LRP1B: variants seen among roughly 807,000 people sequenced by gnomAD.
LRP1B encodes LDL receptor related protein 1B.
A neutral mutation model predicts 556.6 loss-of-function variants in LRP1B; 217 were observed. That is an observed-to-expected ratio of 0.39 (90% CI 0.35 to 0.44). LRP1B has a LOEUF of 0.44. Ranked by LOEUF, LRP1B falls within the 20% of genes least tolerant of loss-of-function variation. LRP1B has a pLI of 1.00. For synonymous variants in LRP1B, 2,047 were observed against 1,865.8 expected (o/e 1.10, Z -2.50); for missense variants, 5,053 against 5,620.8 (o/e 0.90, Z 3.23).
At chr2:141,126,128 T>G (rs2105012850) in intron 7 of LRP1B, among the ~76,000 whole-genome samples, 1 of 151,994 alleles carries the variant, frequency 6.6e-6, no homozygotes, top group Non-Finnish European at 1.5e-5. Context: ...GCCTCCCAGA[T>G]TCAAGTGATT....
At position 140,297,827 on chromosome 2, in the gene LRP1B, G is replaced by A. The variant is rs143745437; in HGVS notation, c.12948C>T (p.Thr4316=). 3.5e-4 allele frequency: 568 copies of A among 1,613,488 alleles called. 2 individuals are homozygous for A. Among genetic ancestry groups the A allele is most frequent in the South Asian group, 1.5e-3 (133 of 91,034 alleles). The change falls in exon 84 of 91, where the codon ACC becomes ACT. Residue 4316 remains threonine (T), a synonymous_variant. Coordinates refer to ENST00000389484, the MANE Select transcript of LRP1B (RefSeq NM_018557.3). ...ACTTACAGTACTGACATCTGTCTCC[G>A]GTGTATTCCGGCTGGCAGTGGCAGT... ...QPYCHCQPEY[T]GDRCQYYVCH... is the part of the protein sequence containing the mutation.
intron 1 of LRP1B, among the ~76,000 whole-genome samples, chr2:142,011,388 G>T (rs1374599226): frequency 6.6e-6 from 1 of 152,126 alleles, no homozygotes; most frequent in African/African-American, 2.4e-5. Context: ...GTGGAATGGG[G>T]TTTAATTTAC....
At chr2:142,096,894 C>T (rs559474171) in intron 1 of LRP1B, among the ~76,000 whole-genome samples, 1 of 151,442 alleles carries the variant, frequency 6.6e-6, no homozygotes, top group East Asian at 1.9e-4. Flanking sequence ...TCTAGAAGTC[C>T]CCAGTTTCTA....
At chr2:140,288,407 T>TTTGAAAAAA (rs1417041965) in intron 84 of LRP1B, among the ~76,000 whole-genome samples, 2 of 151,832 alleles carry the variant, frequency 1.3e-5, no homozygotes, top group African/African-American at 4.8e-5. Context: ...GATTTCTGAC[T>TTTGAAAAAA]CAGCATTTTT....
chr2:141,335,337 G>C (rs2105503567), intron 3 of LRP1B, among the ~76,000 whole-genome samples: 2 of 152,314 alleles, frequency 1.3e-5, no homozygotes, highest in Middle Eastern at 6.8e-3. Context: ...TTAGGAAAGA[G>C]AGACATAAAC....
chr2:141,297,036 T>A (rs895164009), intron 3 of LRP1B, among the ~76,000 whole-genome samples: 10 of 152,178 alleles, frequency 6.6e-5, no homozygotes, highest in African/African-American at 2.4e-4. Context: ...AGGATATGAT[T>A]TCATTCTTAT....
chr2:141,276,871 T>C (rs1344182264), intron 3 of LRP1B, among the ~76,000 whole-genome samples: 4 of 152,136 alleles, frequency 2.6e-5, no homozygotes, highest in Non-Finnish European at 4.4e-5. Flanking sequence ...TTAGCCAGGA[T>C]GGTCTTGATC....
chr2:141,702,924 T>C (rs1691992605), intron 2 of LRP1B, among the ~76,000 whole-genome samples: 1 of 151,892 alleles, frequency 6.6e-6, no homozygotes, highest in South Asian at 2.1e-4. Flanking sequence ...TTATTTCTCC[T>C]TTAATCAAGG....
intron 2 of LRP1B, among the ~76,000 whole-genome samples, chr2:141,748,529 GC>G (rs1412624901): frequency 6.6e-6 from 1 of 152,160 alleles, no homozygotes; most frequent in Non-Finnish European, 1.5e-5. Context: ...TCTGAACACA[GC>G]CAGATATAGA....
chr2:140,869,286 C>A (rs554481153), intron 25 of LRP1B, among the ~76,000 whole-genome samples: 3 of 152,162 alleles, frequency 2.0e-5, no homozygotes, highest in African/African-American at 4.8e-5. Flanking sequence ...TCCTTTTGGT[C>A]ATGGGACAAG....
At chr2:141,902,569 G>A (rs77774194) in intron 1 of LRP1B, among the ~76,000 whole-genome samples, 2,821 of 151,986 alleles carry the variant, frequency 0.019, 43 homozygotes, top group Middle Eastern at 0.041. Flanking sequence ...CCTTCATCTC[G>A]ACAATTTCTG....
intron 7 of LRP1B, among the ~76,000 whole-genome samples, chr2:141,087,930 A>G (rs187529956): frequency 3.3e-5 from 5 of 152,280 alleles, no homozygotes; most frequent in African/African-American, 1.2e-4. Flanking sequence ...ATAATTCTTA[A>G]GAAAAGTGAA....
At chr2:141,801,512 C>T (rs2105688348) in intron 2 of LRP1B, among the ~76,000 whole-genome samples, 1 of 152,258 alleles carries the variant, frequency 6.6e-6, no homozygotes, top group Non-Finnish European at 1.5e-5. Flanking sequence ...GCACTTCCAT[C>T]TGCATGTGCT....
intron 6 of LRP1B, among the ~76,000 whole-genome samples, chr2:141,191,684 T>TC (rs1421321378): frequency 6.6e-6 from 1 of 151,486 alleles, no homozygotes; most frequent in Non-Finnish European, 1.5e-5. Flanking sequence ...AATAAGCTTT[T>TC]TTTTTTTCAA....
chr2:141,937,904 C>T (rs1444110625), intron 1 of LRP1B, among the ~76,000 whole-genome samples: 2 of 152,022 alleles, frequency 1.3e-5, no homozygotes, highest in Admixed American at 6.5e-5. Context: ...CATTCTTTTG[C>T]CTGTAGATAA....
intron 2 of LRP1B, among the ~76,000 whole-genome samples, chr2:141,519,496 A>G (rs186039360): frequency 6.6e-6 from 1 of 150,674 alleles, no homozygotes; most frequent in Admixed American, 6.6e-5. Context: ...TGATTTCTGA[A>G]TTCTCAGTTG....
chr2:140,813,555 TG>T, intron 32 of LRP1B, 101 bp downstream of exon 32: 1 of 941,394 alleles, frequency 1.1e-6, no homozygotes, highest in Non-Finnish European at 1.7e-6. Context: ...AATATAGTTC[TG>T]GTGTTAGTGG....
chr2:140,940,348 A>G (rs1214272533), intron 20 of LRP1B, among the ~76,000 whole-genome samples: 2 of 152,176 alleles, frequency 1.3e-5, no homozygotes, highest in African/African-American at 4.8e-5. Context: ...GAAAGTTTAC[A>G]TAATTCAGAT....
chr2:141,350,821 T>C (rs879474511), intron 3 of LRP1B, among the ~76,000 whole-genome samples: 3 of 152,012 alleles, frequency 2.0e-5, no homozygotes, highest in Non-Finnish European at 4.4e-5. Flanking sequence ...AAAACATTCA[T>C]GAGATGAGCC....
Sources: gnomAD v4.1 joint callset for allele counts (sites outside exome capture counted in the v4.1 genomes callset) on GRCh38, gnomAD v4.1.1 for gene constraint, MANE v1.5 for transcripts, NCBI Gene and HGNC (gene_info 2026-07-23, HGNC 2026-07-21) for gene names.